Variants in USP14 observed in about 807,000 individuals in gnomAD.
USP14 encodes ubiquitin carboxyl-terminal hydrolase 14.
In USP14, 38 loss-of-function variants were observed where a neutral mutation model predicts 76.5. That is an observed-to-expected ratio of 0.50 (90% CI 0.38 to 0.65). The LOEUF is 0.65. Ranked by LOEUF, USP14 falls within the 30% of genes least tolerant of loss-of-function variation. The probability of loss-of-function intolerance (pLI) is 0.00; values close to 1 mark genes in which losing one functional copy is unlikely to be tolerated. For missense variants in USP14, 467 were observed against 586.5 expected, an observed-to-expected ratio of 0.80 and a Z score of 2.10; for synonymous variants, 192 against 191.7, an observed-to-expected ratio of 1.00 and a Z score of -0.01.
chr18:198,335 T>G (rs976702242), intron 9 of USP14, among the ~76,000 whole-genome samples: 1 of 152,178 alleles, frequency 6.6e-6, no homozygotes, highest in Non-Finnish European at 1.5e-5. Context: ...CCTCCTGGGT[T>G]CAAACAGTTC....
intron 10 of USP14, among the ~76,000 whole-genome samples, chr18:202,533 A>G (rs1910411141): frequency 6.6e-6 from 1 of 152,348 alleles, no homozygotes; most frequent in South Asian, 2.1e-4. Context: ...TCTAGAGTGA[A>G]TATTCTGATA....
chr18:185,513 T>G (rs1909905427), intron 5 of USP14, among the ~76,000 whole-genome samples: 1 of 151,996 alleles, frequency 6.6e-6, no homozygotes, highest in African/African-American at 2.4e-5. Context: ...GCTCATATTA[T>G]GAGAGGCATG....
intron 3 of USP14, among the ~76,000 whole-genome samples, chr18:174,121 A>G (rs1188949108): frequency 2.6e-5 from 4 of 152,128 alleles, no homozygotes. Context: ...TTGGAATTGC[A>G]TTGAATCTGT....
intron 5 of USP14, among the ~76,000 whole-genome samples, chr18:181,548 T>C (rs1909789675): frequency 6.6e-6 from 1 of 152,202 alleles, no homozygotes; most frequent in East Asian, 1.9e-4. Context: ...AATTCAATTG[T>C]GTTTTTACAT....
intron 6 of USP14, 54 bp downstream of exon 6, chr18:192,954 G>T: frequency 2.0e-6 from 3 of 1,479,768 alleles, no homozygotes; most frequent in Non-Finnish European, 2.8e-6. Context: ...TCTATTTTTC[G>T]CTCACAATCC....
chr18:207,986 G>A (rs1910573620), intron 13 of USP14, among the ~76,000 whole-genome samples: 1 of 152,062 alleles, frequency 6.6e-6, no homozygotes, highest in African/African-American at 2.4e-5. Context: ...GTGTTTTGAA[G>A]AGATTATGTA....
chr18:203,281 G>A (rs1910432715), intron 12 of USP14, 91 bp downstream of exon 12: 6 of 1,180,384 alleles, frequency 5.1e-6, no homozygotes, highest in Admixed American at 2.3e-5. Context: ...TTTAGGAATA[G>A]TTAAGCTTTC....
intron 1 of USP14, among the ~76,000 whole-genome samples, chr18:162,418 A>G (rs559406278): frequency 1.1e-4 from 16 of 152,278 alleles, no homozygotes; most frequent in South Asian, 6.2e-4. Context: ...TGGGATTTCT[A>G]TATATTTTTA....
chr18:200,433 T>C (rs1910354105), intron 10 of USP14, among the ~76,000 whole-genome samples: 1 of 152,218 alleles, frequency 6.6e-6, no homozygotes, highest in Admixed American at 6.5e-5. Flanking sequence ...TCAGGGCATG[T>C]AGTCGTTCTG....
chr18:158,890 C>A, intron 1 of USP14, 176 bp downstream of exon 1: 2 of 1,066,506 alleles, frequency 1.9e-6, no homozygotes, highest in Non-Finnish European at 2.4e-6. Flanking sequence ...TGGGTCGGAG[C>A]CCTGCGTGGC....
At chr18:192,530 A>T (rs1162272197) in intron 5 of USP14, among the ~76,000 whole-genome samples, 1 of 152,158 alleles carries the variant, frequency 6.6e-6, no homozygotes, top group Non-Finnish European at 1.5e-5. Flanking sequence ...ATGCCATTGC[A>T]CTCCAACCTG....
chr18:209,983 A>T lies in USP14; in HGVS notation c.1177A>T (p.Ser393Cys). 1 of 1,602,356 alleles carries T rather than the reference A, an allele frequency of 6.2e-7. No homozygotes were observed. Among genetic ancestry groups the T allele is most frequent in the Admixed American group, 1.7e-5 (1 of 57,180 alleles). Residue 393 changes from serine to cysteine, a missense_variant, in exon 14 of 16, where the codon AGT becomes TGT. Physicochemically the swap from Ser to Cys is moderately radical, Grantham distance 112. Coordinates refer to ENST00000261601, the MANE Select transcript of USP14 (RefSeq NM_005151.4). ...NQQPNTSDKK[S>C]SPQKEVKYEP... ...TTTTTCTCCTCAGAGTGACAAAAAGAGTAGTCCCCAGAAAGAAGTTAAGTA... is the reference window on the plus strand; with the variant it reads ...TTTTTCTCCTCAGAGTGACAAAAAGTGTAGTCCCCAGAAAGAAGTTAAGTA...
intron 3 of USP14, among the ~76,000 whole-genome samples, chr18:173,426 T>A (rs1414966699): frequency 7.0e-6 from 1 of 142,956 alleles, no homozygotes; most frequent in South Asian, 2.3e-4. Flanking sequence ...TGTCTGTTTT[T>A]TTGAGACGGA....
In USP14 at chr18:211,222, G is replaced by C; in HGVS notation, c.1423G>C (p.Ala475Pro). 1 of 1,614,050 alleles carries C rather than the reference G, an allele frequency of 6.2e-7. No homozygotes were observed. Residue 475 changes from alanine (A) to proline (P), a missense_variant, in exon 16 of 16, where the codon GCT becomes CCT. Physicochemically the swap from Ala to Pro is conservative, Grantham distance 27. Transcript: ENST00000261601. ...TTCTGGTGGTGGAGACTGGCATATC[G>C]CTTACGTTCTACTCTATGGGCCTCG... ...RLSGGGDWHIAYVLLYGPRRV... is the reference protein window; with the variant it reads ...RLSGGGDWHIPYVLLYGPRRV...
intron 9 of USP14, 85 bp from the exon 10 acceptor site, chr18:199,117 A>G (rs988500063): frequency 5.0e-6 from 4 of 798,722 alleles, no homozygotes; most frequent in Non-Finnish European, 7.9e-6. Flanking sequence ...TATTAATTTT[A>G]ATGGAATTAG....
At position 203,086 on chromosome 18, in the gene USP14, T is replaced by C; in HGVS notation, c.943-12T>C. The C allele has an allele frequency of 6.2e-7, 1 of 1,612,172 alleles. No individual in the cohort carries two copies. The highest frequency in any genetic ancestry group is 1.1e-5 in the South Asian group (1 of 90,458). On this transcript the variant is annotated splice_polypyrimidine_tract_variant and intron_variant, in intron 11 of 15. Transcript: ENST00000261601. ...TGATGTAATGGGATTTCTTTACATT[T>C]TGTCTCCTCAGTCCAAGATCAGCCG...
intron 6 of USP14, among the ~76,000 whole-genome samples, chr18:194,431 T>A (rs748876583): frequency 2.2e-4 from 33 of 152,220 alleles, no homozygotes; most frequent in East Asian, 1.7e-3. Context: ...TTTTTTAACT[T>A]TTTGTTTTGA....
At chr18:187,759 C>G (rs936390981) in intron 5 of USP14, among the ~76,000 whole-genome samples, 1 of 152,134 alleles carries the variant, frequency 6.6e-6, no homozygotes, top group East Asian at 1.9e-4. Context: ...TCCATGGTTC[C>G]AAGATATACT....
chr18:204,778 T>C, intron 13 of USP14, 86 bp downstream of exon 13: 2 of 1,498,808 alleles, frequency 1.3e-6, no homozygotes, highest in Non-Finnish European at 1.8e-6. Flanking sequence ...TTTTCCTGCT[T>C]CATTTTTCCT....
Sources: gnomAD v4.1 joint callset for allele counts (sites outside exome capture counted in the v4.1 genomes callset) on GRCh38, gnomAD v4.1.1 for gene constraint, MANE v1.5 for transcripts, NCBI Gene and HGNC (gene_info 2026-07-23, HGNC 2026-07-21) for gene names.